The following APP variants were observed in gnomAD, a reference collection of about 807,000 sequenced individuals.
APP encodes amyloid-beta precursor protein.
A neutral mutation model predicts 101.4 loss-of-function variants in APP; 31 were observed. The observed-to-expected ratio is 0.31, with a 90% CI of 0.23 to 0.41. The LOEUF (loss-of-function observed/expected upper bound fraction) is 0.41. APP is among the 10% of genes least tolerant of loss of function. The probability of loss-of-function intolerance (pLI) is 1.00; values close to 1 mark genes in which losing one functional copy is unlikely to be tolerated. For synonymous variants in APP, 366 were observed against 364.4 expected (o/e 1.00, Z -0.05); for missense variants, 839 against 1,003.7 (o/e 0.84, Z 2.22).
chr21:25,946,561 G>T (rs2040830759), intron 13 of APP, among the ~76,000 whole-genome samples: 1 of 152,144 alleles, frequency 6.6e-6, no homozygotes, highest in African/African-American at 2.4e-5. Flanking sequence ...AACTACTGGG[G>T]AGGCTGAGGC....
At chr21:26,064,894 C>G (rs1421681940) in intron 3 of APP, among the ~76,000 whole-genome samples, 4 of 152,172 alleles carry the variant, frequency 2.6e-5, no homozygotes, top group African/African-American at 9.7e-5. Context: ...CATTCTGTCG[C>G]CCAGGCTGGA....
rs1278304952 is a variant in APP, at chr21:26,170,444, G to C, written c.57+120C>G. 3.7e-6 allele frequency: 4 copies of C among 1,072,896 alleles called. No individual in the cohort carries two copies. The East Asian group carries it at 1.2e-4, about 32-fold the overall frequency. The allele number at this position is 1,072,896 out of a possible 1,614,324, so 66.5% of individuals were successfully genotyped here. A position where few individuals can be genotyped will look rare whatever the true frequency, so the allele number is the denominator to read the frequency against. ...GACGTCCGCAAGCGGGGGCGGAGAG[G>C]AGAGGGGTCCCATTGACGGACCCCC... On this transcript the variant is annotated intron_variant, in intron 1 of 17. Coordinates refer to ENST00000346798, the MANE Select transcript of APP (RefSeq NM_000484.4).
chr21:26,037,883 A>G (rs769883449), intron 5 of APP, among the ~76,000 whole-genome samples: 1 of 152,212 alleles, frequency 6.6e-6, no homozygotes, highest in Non-Finnish European at 1.5e-5. Flanking sequence ...ATTCTAGGAG[A>G]TAAAAGATCA....
At chr21:25,927,421 T>C (rs143117393) in intron 13 of APP, among the ~76,000 whole-genome samples, 2 of 152,204 alleles carry the variant, frequency 1.3e-5, no homozygotes, top group African/African-American at 2.4e-5. Flanking sequence ...CAGCCCTGTA[T>C]GACGCGGCCA....
intron 1 of APP, among the ~76,000 whole-genome samples, chr21:26,139,779 G>C (rs935343312): frequency 6.6e-6 from 1 of 152,134 alleles, no homozygotes; most frequent in African/African-American, 2.4e-5. Flanking sequence ...TGTAGTCCCA[G>C]CTACTCAGGA....
intron 3 of APP, among the ~76,000 whole-genome samples, chr21:26,077,460 T>C (rs1208270581): frequency 6.6e-6 from 1 of 152,226 alleles, no homozygotes; most frequent in African/African-American, 2.4e-5. Context: ...TTTTGTACTT[T>C]TGGCTTTTCT....
At chr21:25,881,984 G>A (rs977833464) in intron 17 of APP, among the ~76,000 whole-genome samples, 3 of 152,052 alleles carry the variant, frequency 2.0e-5, no homozygotes, top group African/African-American at 7.2e-5. Flanking sequence ...ACCAGGTGGC[G>A]GTGGAAACCT....
At chr21:25,898,770 G>C (rs547507195) in intron 15 of APP, among the ~76,000 whole-genome samples, 8 of 152,244 alleles carry the variant, frequency 5.3e-5, no homozygotes, top group African/African-American at 1.9e-4. Context: ...CTAAGGAGAG[G>C]CATGTTCCTG....
intron 11 of APP, among the ~76,000 whole-genome samples, chr21:25,973,194 G>C (rs1443717691): frequency 4.0e-5 from 6 of 150,600 alleles, no homozygotes; most frequent in African/African-American, 1.5e-4. Flanking sequence ...AGAAGAACAA[G>C]GAACAGACTG....
chr21:26,144,136 A>G (rs1351198746), intron 1 of APP, among the ~76,000 whole-genome samples: 2 of 152,150 alleles, frequency 1.3e-5, no homozygotes, highest in Non-Finnish European at 2.9e-5. Flanking sequence ...TAAAGTGATC[A>G]GTTCTCGTGA....
At chr21:26,114,024 C>T (rs1428099956) in intron 1 of APP, among the ~76,000 whole-genome samples, 2 of 152,174 alleles carry the variant, frequency 1.3e-5, no homozygotes, top group African/African-American at 4.8e-5. Context: ...ATTCTGTTCA[C>T]CTTCCGAATT....
intron 11 of APP, among the ~76,000 whole-genome samples, chr21:25,972,475 G>A (rs546141038): frequency 7.5e-6 from 1 of 134,218 alleles, no homozygotes; most frequent in East Asian, 2.2e-4. Flanking sequence ...CAAAACCAAA[G>A]GTATAAAAGG....
chr21:26,129,249 G>A (rs992685081), intron 1 of APP, among the ~76,000 whole-genome samples: 1 of 152,072 alleles, frequency 6.6e-6, no homozygotes, highest in Non-Finnish European at 1.5e-5. Flanking sequence ...GAGGCAGGTG[G>A]ATCATGAGGT....
At chr21:25,916,130 G>C (rs140015993) in intron 13 of APP, among the ~76,000 whole-genome samples, 2 of 152,214 alleles carry the variant, frequency 1.3e-5, no homozygotes, top group East Asian at 3.9e-4. Flanking sequence ...TCAGTCCCGA[G>C]TACTGTGATT....
Position 25,881,538 on chromosome 21 carries a change from G to T in APP, c.*132C>A. ...AGGCATCTACTTGTGTTACAGCACAGCTGTCAAAAGGCGATAATGAGTAAA... is the reference window on the plus strand; with the variant it reads ...AGGCATCTACTTGTGTTACAGCACATCTGTCAAAAGGCGATAATGAGTAAA... On this transcript the variant is annotated 3_prime_UTR_variant, in exon 18 of 18. Transcript: ENST00000346798. 1.0e-6 allele frequency: 1 copy of T among 972,898 alleles called. No individual in the cohort carries two copies. The highest frequency in any genetic ancestry group is 1.6e-6 in the Non-Finnish European group (1 of 614,158). The allele number at this position is 972,898 out of a possible 1,614,324, so 60.3% of individuals were successfully genotyped here. A position where few individuals can be genotyped will look rare whatever the true frequency, so the allele number is the denominator to read the frequency against.
intron 1 of APP, among the ~76,000 whole-genome samples, chr21:26,141,136 G>A (rs180883316): frequency 8.5e-4 from 130 of 152,322 alleles, no homozygotes; most frequent in African/African-American, 3.0e-3. Context: ...ACTCAAAATA[G>A]AGGAAGGCTA....
chr21:25,955,564 A>G, intron 12 of APP, 63 bp downstream of exon 12: 1 of 1,612,834 alleles, frequency 6.2e-7, no homozygotes. Context: ...TCCTGTCACC[A>G]ACCCAAGAAG....
chr21:25,901,295 TTAAAAAAAAAAA>T (rs146439909), intron 15 of APP, among the ~76,000 whole-genome samples: 24,048 of 75,364 alleles, frequency 0.32, 2,857 homozygotes, highest in South Asian at 0.48. Flanking sequence ...AAATCCTGTT[TTAAAAAAAAAAA>T]AAAAAAAAAA....
Position 26,026,580 on chromosome 21 carries a change from T to C in APP, c.663-4538A>G, listed in dbSNP as rs149584607. 1.8e-3 allele frequency among the ~76,000 whole-genome samples: 281 copies of C among 152,354 alleles called. 1 individual carries two copies. Among genetic ancestry groups the C allele is most frequent in the East Asian group, 0.015 (80 of 5,192 alleles). On this transcript the variant is annotated intron_variant, in intron 5 of 17. Transcript: ENST00000346798. The stretch of plus-strand genomic sequence containing the variant: ...TCACACACCAATTTTCATTTCTGTT[T>C]ATTAAAGTCATGCCAAAAAAGTCAC...
Sources: allele counts gnomAD v4.1 joint callset (sites outside exome capture counted in the v4.1 genomes callset), GRCh38; gene constraint gnomAD v4.1.1; transcripts MANE v1.5; gene names NCBI Gene and HGNC (gene_info 2026-07-23, HGNC 2026-07-21).